The following METTL24 variants were observed in gnomAD, a reference collection of about 807,000 sequenced individuals.
The protein encoded by METTL24 is probable methyltransferase-like protein 24.
METTL24 carries 29 observed loss-of-function variants against 32.7 expected under a neutral mutation model. The observed-to-expected ratio is 0.89, with a 90% CI of 0.66 to 1.21. The LOEUF (loss-of-function observed/expected upper bound fraction) is 1.21. Ranked by LOEUF, METTL24 falls within the 50% of genes most tolerant of loss-of-function variation. The pLI is 0.00. For missense variants in METTL24, 439 were observed against 468.1 expected (o/e 0.94, Z 0.57); for synonymous variants, 163 against 179.5 (o/e 0.91, Z 0.73).
intron 3 of METTL24, among the ~76,000 whole-genome samples, chr6:110,313,277 T>C (rs748647698): frequency 2.3e-4 from 35 of 152,252 alleles, no homozygotes; most frequent in Non-Finnish European, 4.6e-4. Context: ...AGGTGACGGA[T>C]ACTCTAAATG....
chr6:110,346,946 C>T (rs1309400831), intron 1 of METTL24, among the ~76,000 whole-genome samples: 2 of 151,726 alleles, frequency 1.3e-5, no homozygotes, highest in East Asian at 3.9e-4. Context: ...TTCAGGTTTC[C>T]TCTTCTATTA....
chr6:110,258,195 A>G (rs1778420673), intron 4 of METTL24, among the ~76,000 whole-genome samples: 2 of 152,222 alleles, frequency 1.3e-5, no homozygotes, highest in Admixed American at 1.3e-4. Flanking sequence ...GGTCTGATTT[A>G]AGTTACTATC....
rs566808166 is a variant in METTL24, at chr6:110,301,039, A to T, written c.558-1889T>A. Among the ~76,000 whole-genome samples, 17 of 152,246 alleles carry T rather than the reference A, an allele frequency of 1.1e-4. No homozygotes were observed. In the South Asian group the frequency reaches 2.1e-3, roughly 19 times the overall value. On this transcript the variant is annotated intron_variant, in intron 3 of 4. Transcript: ENST00000338882. The stretch of plus-strand genomic sequence containing the variant: ...CAGTGGTCCTGCAACCAACCTCCAC[A>T]GGTGCTGAGGGGTGATTATAGTCTT...
intron 4 of METTL24, among the ~76,000 whole-genome samples, chr6:110,274,095 C>T (rs906312892): frequency 6.6e-6 from 1 of 152,026 alleles, no homozygotes; most frequent in East Asian, 1.9e-4. Context: ...GAGTTGGAGC[C>T]TTTTGTTTTG....
chr6:110,267,927 G>GT (rs1770886340), intron 4 of METTL24, among the ~76,000 whole-genome samples: 1 of 152,112 alleles, frequency 6.6e-6, no homozygotes, highest in Non-Finnish European at 1.5e-5. Flanking sequence ...TGTGAACTCA[G>GT]TAAGAACTCA....
intron 3 of METTL24, among the ~76,000 whole-genome samples, chr6:110,314,709 C>T (rs1344744709): frequency 6.6e-6 from 1 of 152,118 alleles, no homozygotes; most frequent in East Asian, 1.9e-4. Flanking sequence ...CACCTGTAAT[C>T]CCAGCGCTTT....
chr6:110,335,491 C>T (rs1042333435), intron 1 of METTL24, among the ~76,000 whole-genome samples: 1 of 149,246 alleles, frequency 6.7e-6, no homozygotes, highest in Non-Finnish European at 1.5e-5. Context: ...ATGAAAAAAG[C>T]AGTTACAGAA....
chr6:110,268,138 C>CA (rs1421427681), intron 4 of METTL24, among the ~76,000 whole-genome samples: 1 of 152,122 alleles, frequency 6.6e-6, no homozygotes, highest in Non-Finnish European at 1.5e-5. Flanking sequence ...TTCAAACAAG[C>CA]AAATGAAATA....
At chr6:110,352,191 G>C (rs751160895) in intron 1 of METTL24, among the ~76,000 whole-genome samples, 9 of 152,166 alleles carry the variant, frequency 5.9e-5, no homozygotes, top group Non-Finnish European at 1.3e-4. Flanking sequence ...TTTCTGAACC[G>C]AGTAGTCATG....
At chr6:110,297,632 G>C (rs1771442957) in intron 4 of METTL24, among the ~76,000 whole-genome samples, 1 of 152,008 alleles carries the variant, frequency 6.6e-6, no homozygotes, top group South Asian at 2.1e-4. Flanking sequence ...GATCTACAAA[G>C]GTAACGAGTG....
chr6:110,322,841 C>G lies in METTL24; in HGVS notation c.350G>C (p.Trp117Ser). The G allele has an allele frequency of 6.2e-7, 1 of 1,613,776 alleles. No individual in the cohort carries two copies. The highest frequency in any genetic ancestry group is 8.5e-7 in the Non-Finnish European group (1 of 1,179,800). The stretch of plus-strand genomic sequence containing the variant: ...ATCCAGGGACTGAGCAGAGCCTGCC[C>G]AAGGCTGGAGATCTATATGCCACCG... ...GPRWHIDLQP[W>S]AGSAQSLDEE... The change falls in exon 2 of 5, where the codon TGG (tryptophan) becomes TCG (serine). Residue 117 changes from tryptophan to serine, a missense_variant. Transcript: ENST00000338882.
chr6:110,270,011 G>A (rs1582391886), intron 4 of METTL24, among the ~76,000 whole-genome samples: 1 of 152,248 alleles, frequency 6.6e-6, no homozygotes, highest in East Asian at 1.9e-4. Context: ...TTATTTCTTT[G>A]TTGATATGAA....
At chr6:110,317,527 A>G (rs1322688236) in intron 2 of METTL24, among the ~76,000 whole-genome samples, 1 of 152,116 alleles carries the variant, frequency 6.6e-6, no homozygotes, top group African/African-American at 2.4e-5. Flanking sequence ...TAGTTAGTCC[A>G]GGGCAGCTGT....
intron 3 of METTL24, among the ~76,000 whole-genome samples, chr6:110,314,393 C>A (rs559328387): frequency 6.6e-6 from 1 of 152,006 alleles, no homozygotes; most frequent in Non-Finnish European, 1.5e-5. Flanking sequence ...TATATAAATA[C>A]GGGTACATTT....
chr6:110,294,901 C>A (rs1771382363), intron 4 of METTL24, among the ~76,000 whole-genome samples: 1 of 151,354 alleles, frequency 6.6e-6, no homozygotes, highest in Non-Finnish European at 1.5e-5. Context: ...TTATTCCCAA[C>A]AAGCATTACA....
intron 1 of METTL24, among the ~76,000 whole-genome samples, chr6:110,337,352 C>T (rs1772257477): frequency 6.6e-6 from 1 of 152,104 alleles, no homozygotes; most frequent in African/African-American, 2.4e-5. Context: ...ATGAAATAAT[C>T]TGTACAACAA....
intron 4 of METTL24, among the ~76,000 whole-genome samples, chr6:110,261,679 C>T (rs1295198114): frequency 1.3e-5 from 2 of 152,226 alleles, no homozygotes; most frequent in African/African-American, 4.8e-5. Context: ...CTCAGCACCA[C>T]ACCACACTTA....
At chr6:110,321,467 C>T (rs546542614) in intron 2 of METTL24, among the ~76,000 whole-genome samples, 7 of 152,204 alleles carry the variant, frequency 4.6e-5, no homozygotes, top group South Asian at 2.1e-4. Flanking sequence ...TTCTCAAATC[C>T]GATTCATAAA....
At chr6:110,248,548 TAAAAC>T (rs982641206) in intron 4 of METTL24, among the ~76,000 whole-genome samples, 3 of 148,878 alleles carry the variant, frequency 2.0e-5, no homozygotes, top group Non-Finnish European at 4.6e-5. Context: ...GAGAAAAAGT[TAAAAC>T]AAAACAAAAC....
Sources: allele counts gnomAD v4.1 joint callset (sites outside exome capture counted in the v4.1 genomes callset), GRCh38; gene constraint gnomAD v4.1.1; transcripts MANE v1.5; gene names NCBI Gene and HGNC (gene_info 2026-07-23, HGNC 2026-07-21).